Variants in RFX3 observed in about 807,000 individuals in gnomAD.
RFX3 encodes the protein transcription factor RFX3.
RFX3 carries 14 observed loss-of-function variants against 98.6 expected under a neutral mutation model. The observed-to-expected ratio is 0.14, with a 90% CI of 0.09 to 0.22. The LOEUF is 0.22. Ranked by LOEUF, RFX3 falls within the 10% of genes least tolerant of loss-of-function variation. The pLI is 1.00. For synonymous variants in RFX3, 383 were observed against 328.4 expected (o/e 1.17, Z -1.80); for missense variants, 639 against 926.9 (o/e 0.69, Z 4.03).
intron 1 of RFX3, among the ~76,000 whole-genome samples, chr9:3,462,878 C>G (rs554284518): frequency 1.3e-5 from 2 of 151,890 alleles, no homozygotes; most frequent in Non-Finnish European, 2.9e-5. Context: ...CAAGAATTAT[C>G]CACTAAAAAC....
At chr9:3,262,402 T>G (rs1823029060) in intron 13 of RFX3, among the ~76,000 whole-genome samples, 2 of 152,230 alleles carry the variant, frequency 1.3e-5, no homozygotes, top group Non-Finnish European at 2.9e-5. Flanking sequence ...TTGCATATAA[T>G]TCTTTTCAAG....
chr9:3,353,808 A>T (rs1322547833), intron 2 of RFX3, among the ~76,000 whole-genome samples: 2 of 152,098 alleles, frequency 1.3e-5, no homozygotes, highest in Admixed American at 6.6e-5. Flanking sequence ...AGACATATAA[A>T]GAAGCAGGGA....
At chr9:3,449,857 C>T (rs1213853009) in intron 1 of RFX3, among the ~76,000 whole-genome samples, 1 of 146,554 alleles carries the variant, frequency 6.8e-6, no homozygotes, top group Non-Finnish European at 1.5e-5. Flanking sequence ...AACTGAGCGA[C>T]ACCCTGTCTC....
chr9:3,251,185 A>C (rs969347698), intron 14 of RFX3, among the ~76,000 whole-genome samples: 1 of 152,242 alleles, frequency 6.6e-6, no homozygotes, highest in Non-Finnish European at 1.5e-5. Flanking sequence ...GAAATGCTTA[A>C]GATATAATTG....
intron 5 of RFX3, among the ~76,000 whole-genome samples, chr9:3,298,688 G>C (rs529265118): frequency 1.3e-5 from 2 of 151,918 alleles, no homozygotes; most frequent in South Asian, 2.1e-4. Context: ...AAATGGGGTA[G>C]AAAATTCAAT....
At chr9:3,324,733 C>T (rs1018428515) in intron 4 of RFX3, among the ~76,000 whole-genome samples, 2 of 151,852 alleles carry the variant, frequency 1.3e-5, no homozygotes, top group Non-Finnish European at 2.9e-5. Flanking sequence ...GAGGCTGAGG[C>T]GGGCAGATCA....
At chr9:3,517,084 C>T (rs959429324) in intron 1 of RFX3, among the ~76,000 whole-genome samples, 1 of 152,272 alleles carries the variant, frequency 6.6e-6, no homozygotes, top group Non-Finnish European at 1.5e-5. Flanking sequence ...AACTTGCTAG[C>T]CTTTGAGAAC....
At position 3,506,955 on chromosome 9, in the gene RFX3, A is replaced by C. The variant is rs1432405693; in HGVS notation, c.-9+18792T>G. On this transcript the variant is annotated intron_variant, in intron 1 of 16. Coordinates refer to ENST00000617270, the MANE Select transcript of RFX3 (RefSeq NM_001282116.2). ...GTCATTGTAAAATCAGAACTAGACA[A>C]AATTTTTAAATAGTGAAATGTGTTT... is the stretch of plus-strand genomic sequence containing the variant. Among the ~76,000 whole-genome samples, 4 of 152,052 alleles carry C rather than the reference A, an allele frequency of 2.6e-5. No individual in the cohort carries two copies. The East Asian group carries it at 7.7e-4, about 29-fold the overall frequency.
chr9:3,329,190 G>A (rs557688258), intron 4 of RFX3, among the ~76,000 whole-genome samples: 8 of 151,810 alleles, frequency 5.3e-5, no homozygotes, highest in East Asian at 1.9e-4. Flanking sequence ...GTGGGTTACC[G>A]AAGGTCAGGA....
chr9:3,466,306 C>A (rs1396116446), intron 1 of RFX3, among the ~76,000 whole-genome samples: 1 of 152,198 alleles, frequency 6.6e-6, no homozygotes, highest in African/African-American at 2.4e-5. Flanking sequence ...AATCCCACAT[C>A]TTCCTATTCC....
chr9:3,439,788 G>A (rs1199138173), intron 1 of RFX3, among the ~76,000 whole-genome samples: 4 of 151,882 alleles, frequency 2.6e-5, no homozygotes, highest in Non-Finnish European at 5.9e-5. Context: ...TATGAGACCA[G>A]CATTACTTTA....
chr9:3,470,497 T>TC (rs1488391466), intron 1 of RFX3, among the ~76,000 whole-genome samples: 3 of 101,310 alleles, frequency 3.0e-5, no homozygotes, highest in African/African-American at 5.7e-5. Context: ...TCTTTTTTTC[T>TC]TTTTTTTTTT....
At chr9:3,298,594 G>A (rs1266966014) in intron 5 of RFX3, among the ~76,000 whole-genome samples, 1 of 151,744 alleles carries the variant, frequency 6.6e-6, no homozygotes, top group African/African-American at 2.4e-5. Context: ...ACTACCACTT[G>A]CAATAAATAC....
intron 1 of RFX3, among the ~76,000 whole-genome samples, chr9:3,509,344 A>G (rs1817441482): frequency 6.6e-6 from 1 of 151,994 alleles, no homozygotes; most frequent in Non-Finnish European, 1.5e-5. Flanking sequence ...AAAATTCATA[A>G]TTAAATGAAT....
chr9:3,235,626 C>T (rs572239243), intron 15 of RFX3, among the ~76,000 whole-genome samples: 1 of 152,122 alleles, frequency 6.6e-6, no homozygotes, highest in Non-Finnish European at 1.5e-5. Flanking sequence ...TTTTTTACCT[C>T]TTTTTCAGCT....
chr9:3,308,200 T>C (rs1829554684), intron 4 of RFX3, among the ~76,000 whole-genome samples: 1 of 152,140 alleles, frequency 6.6e-6, no homozygotes, highest in Non-Finnish European at 1.5e-5. Flanking sequence ...TTAGGATACA[T>C]AGTGCTTGGG....
chr9:3,367,665 C>G (rs908609249), intron 2 of RFX3, among the ~76,000 whole-genome samples: 12 of 152,200 alleles, frequency 7.9e-5, no homozygotes, highest in African/African-American at 2.4e-4. Flanking sequence ...AAAGGAAATA[C>G]ACTCGGAACC....
chr9:3,301,020 T>G (rs1828588565), intron 5 of RFX3, among the ~76,000 whole-genome samples: 1 of 151,820 alleles, frequency 6.6e-6, no homozygotes, highest in Admixed American at 6.6e-5. Flanking sequence ...TTACTTCTCT[T>G]TAGGTCTTAG....
chr9:3,479,821 G>T (rs1021246609), intron 1 of RFX3, among the ~76,000 whole-genome samples: 5 of 152,106 alleles, frequency 3.3e-5, no homozygotes, highest in African/African-American at 1.2e-4. Flanking sequence ...ACTTGACTTA[G>T]GAGGCAACCC....
Sources: gnomAD v4.1 joint callset for allele counts (sites outside exome capture counted in the v4.1 genomes callset) on GRCh38, gnomAD v4.1.1 for gene constraint, MANE v1.5 for transcripts, NCBI Gene and HGNC (gene_info 2026-07-23, HGNC 2026-07-21) for gene names.